Variants in LDB2 observed in about 807,000 individuals in gnomAD.
The protein encoded by LDB2 is LIM domain binding 2.
LDB2 carries 12 observed loss-of-function variants against 44.3 expected under a neutral mutation model. The observed-to-expected ratio is 0.27, with a 90% CI of 0.17 to 0.44. The LOEUF is 0.44. Among genes scored for constraint, LDB2 ranks in the 20% least tolerant of loss-of-function variants. The pLI is 1.00. For missense variants in LDB2, 344 were observed against 473.5 expected, an observed-to-expected ratio of 0.73 and a Z score of 2.54; for synonymous variants, 164 against 174.8, an observed-to-expected ratio of 0.94 and a Z score of 0.49.
At chr4:16,685,391 G>T (rs1436041003) in intron 2 of LDB2, among the ~76,000 whole-genome samples, 1 of 151,768 alleles carries the variant, frequency 6.6e-6, no homozygotes, top group Non-Finnish European at 1.5e-5. Flanking sequence ...GTTTTGTTTT[G>T]TTTTTTGTTT....
intron 1 of LDB2, among the ~76,000 whole-genome samples, chr4:16,876,499 G>A (rs527924834): frequency 2.6e-5 from 4 of 152,268 alleles, no homozygotes; most frequent in South Asian, 2.1e-4. Flanking sequence ...ACTAATAGGC[G>A]ATTAAATGTA....
At chr4:16,504,521 C>T (rs1718588319) in intron 7 of LDB2, among the ~76,000 whole-genome samples, 4 of 152,218 alleles carry the variant, frequency 2.6e-5, no homozygotes, top group Admixed American at 2.6e-4. Flanking sequence ...AGGGGATATT[C>T]ATCTCTGTGC....
At position 16,813,703 on chromosome 4, in the gene LDB2, G is replaced by A. The variant is rs114084718; in HGVS notation, c.133-54443C>T. Among the ~76,000 whole-genome samples, 1,064 of 152,272 alleles carry A rather than the reference G, an allele frequency of 7.0e-3. 10 individuals are homozygous for A. Among genetic ancestry groups the A allele is most frequent in the African/African-American group, 0.024 (1,007 of 41,558 alleles). ...AATAAGCAAGACAGTGAGGGGACCA[G>A]AGAGGATGACACACCCAAGCTCACC... On this transcript the variant is annotated intron_variant, in intron 1 of 7. Transcript: ENST00000304523.
intron 5 of LDB2, among the ~76,000 whole-genome samples, chr4:16,564,129 C>T (rs1481215915): frequency 1.3e-5 from 2 of 152,142 alleles, no homozygotes; most frequent in South Asian, 2.1e-4. Flanking sequence ...TCAAAAGACT[C>T]ACAGCTTATA....
intron 5 of LDB2, among the ~76,000 whole-genome samples, chr4:16,557,599 G>A (rs944344421): frequency 2.0e-5 from 3 of 152,258 alleles, no homozygotes; most frequent in Non-Finnish European, 4.4e-5. Flanking sequence ...AGCTCAAGGA[G>A]GGCTGCCTGC....
intron 5 of LDB2, among the ~76,000 whole-genome samples, chr4:16,550,641 G>C (rs1737336405): frequency 2.0e-5 from 3 of 152,178 alleles, no homozygotes; most frequent in African/African-American, 7.2e-5. Context: ...GACAAGAATG[G>C]GCATGATGAG....
At chr4:16,652,772 A>G (rs920663258) in intron 2 of LDB2, among the ~76,000 whole-genome samples, 2 of 152,184 alleles carry the variant, frequency 1.3e-5, no homozygotes, top group African/African-American at 4.8e-5. Context: ...TGGCTACTTC[A>G]CGGCAGTTGA....
At chr4:16,765,432 T>A (rs1009651008) in intron 1 of LDB2, among the ~76,000 whole-genome samples, 7 of 152,242 alleles carry the variant, frequency 4.6e-5, no homozygotes, top group Non-Finnish European at 8.8e-5. Context: ...CCTCTTTCAC[T>A]GTCTCCTGTA....
At chr4:16,554,150 A>G (rs1175396582) in intron 5 of LDB2, among the ~76,000 whole-genome samples, 1 of 151,342 alleles carries the variant, frequency 6.6e-6, no homozygotes, top group African/African-American at 2.4e-5. Context: ...TCCCAGGTTC[A>G]AGCAATTCTC....
intron 6 of LDB2, among the ~76,000 whole-genome samples, chr4:16,508,887 CT>C (rs1372488867): frequency 6.6e-6 from 1 of 152,030 alleles, no homozygotes; most frequent in East Asian, 1.9e-4. Flanking sequence ...ACACTCTTTT[CT>C]TTGTGTGTAG....
chr4:16,861,951 C>A (rs1349275955), intron 1 of LDB2, among the ~76,000 whole-genome samples: 1 of 152,164 alleles, frequency 6.6e-6, no homozygotes, highest in Non-Finnish European at 1.5e-5. Context: ...GCTCAGATGC[C>A]CCAGCCCTTG....
rs543496196 is a variant in LDB2 at position 16,812,998 on chromosome 4, CTTT to C, written c.133-53741_133-53739del. Among the ~76,000 whole-genome samples, 5 of 149,306 alleles carry C rather than the reference CTTT, an allele frequency of 3.3e-5. No homozygotes were observed. The East Asian group carries it at 7.8e-4, about 23-fold the overall frequency. On this transcript the variant is annotated intron_variant, in intron 1 of 7. Transcript: ENST00000304523. Reference sequence around the variant, plus strand: ...TGAAGCAGGCGTGCCTCAGTTTACTCTTTTTTTTTTCTTTTTTGAGACAGGGTC... The same window carrying C: ...TGAAGCAGGCGTGCCTCAGTTTACTCTTTTTTTCTTTTTTGAGACAGGGTC...
intron 2 of LDB2, among the ~76,000 whole-genome samples, chr4:16,638,729 G>A (rs1001826582): frequency 1.4e-4 from 22 of 152,254 alleles, no homozygotes; most frequent in African/African-American, 4.8e-4. Flanking sequence ...CAAGCACTGT[G>A]CTGGGTACTA....
chr4:16,726,323 T>G (rs1032335077), intron 2 of LDB2: 1 of 152,220 alleles, frequency 6.6e-6, no homozygotes, highest in Non-Finnish European at 1.5e-5. Flanking sequence ...TTTCTGAGTC[T>G]TGGGTTCTTA....
intron 7 of LDB2, chr4:16,503,078 A>G: frequency 6.5e-7 from 1 of 1,537,842 alleles, no homozygotes; most frequent in Non-Finnish European, 8.7e-7. Flanking sequence ...CAACCACGCG[A>G]GTTTATGTCC....
intron 1 of LDB2, among the ~76,000 whole-genome samples, chr4:16,781,332 A>G (rs558787077): frequency 7.2e-5 from 11 of 152,328 alleles, no homozygotes; most frequent in African/African-American, 2.6e-4. Flanking sequence ...ATGAGTCTTC[A>G]CAGAGTAACT....
At chr4:16,837,230 G>A (rs1429517201) in intron 1 of LDB2, among the ~76,000 whole-genome samples, 1 of 152,108 alleles carries the variant, frequency 6.6e-6, no homozygotes, top group Non-Finnish European at 1.5e-5. Flanking sequence ...ATGACCTTAG[G>A]CAACTTAACT....
At position 16,847,061 on chromosome 4, in the gene LDB2, A is replaced by G. The variant is rs536931195; in HGVS notation, c.132+51293T>C. On this transcript the variant is annotated intron_variant, in intron 1 of 7. Transcript: ENST00000304523. ...TCATTCTCTTTTCAATTTGACTCTC[A>G]CCCCAAAATTTGAATAGTTGAGGTT... 3.9e-4 allele frequency among the ~76,000 whole-genome samples: 59 copies of G among 152,122 alleles called. 1 individual carries two copies. The highest frequency in any genetic ancestry group is 5.6e-4 in the Non-Finnish European group (38 of 67,990).
chr4:16,828,313 A>T (rs1275301171), intron 1 of LDB2, among the ~76,000 whole-genome samples: 3 of 152,112 alleles, frequency 2.0e-5, no homozygotes, highest in Non-Finnish European at 4.4e-5. Context: ...AGTCAAGCGG[A>T]TGGACTCTGT....
Sources: allele counts gnomAD v4.1 joint callset (sites outside exome capture counted in the v4.1 genomes callset), GRCh38; gene constraint gnomAD v4.1.1; transcripts MANE v1.5; gene names NCBI Gene and HGNC (gene_info 2026-07-23, HGNC 2026-07-21).